NUP155: variants seen among roughly 807,000 people sequenced by gnomAD.
NUP155 encodes nuclear pore complex protein Nup155.
Under a neutral mutation model 180.4 loss-of-function variants are expected in NUP155, and 71 were observed. The ratio of observed to expected loss-of-function variants is 0.39; its 90% CI spans 0.33 to 0.48. NUP155 has a LOEUF of 0.48. NUP155 is among the 20% of genes least tolerant of loss of function. The probability of loss-of-function intolerance (pLI) is 0.91; values close to 1 mark genes in which losing one functional copy is unlikely to be tolerated. For missense variants in NUP155, 1,553 were observed against 1,648.9 expected, an observed-to-expected ratio of 0.94 and a Z score of 1.01; for synonymous variants, 582 against 559.5, an observed-to-expected ratio of 1.04 and a Z score of -0.57.
At chr5:37,361,907 G>A (rs61346086) in intron 3 of NUP155, among the ~76,000 whole-genome samples, 1 of 152,060 alleles carries the variant, frequency 6.6e-6, no homozygotes, top group African/African-American at 2.4e-5. Flanking sequence ...TAGGTCATGA[G>A]GGTATATCTC....
Position 37,351,071 on chromosome 5 carries a change from T to C in NUP155, c.723+119A>G, listed in dbSNP as rs964400421. On this transcript the variant is annotated intron_variant, in intron 6 of 34. Transcript: ENST00000231498. ...GGGGACTACAGCTTCAACTGTATGCTTGAATATTTACCATAAAAATATATT... is the reference window on the plus strand; with the variant it reads ...GGGGACTACAGCTTCAACTGTATGCCTGAATATTTACCATAAAAATATATT... 3.5e-6 allele frequency: 3 copies of C among 851,888 alleles called. No individual in the cohort carries two copies. In the Admixed American group the frequency reaches 7.4e-5, roughly 21 times the overall value. The allele number at this position is 851,888 out of a possible 1,614,324, so 52.8% of individuals were successfully genotyped here.
intron 12 of NUP155, among the ~76,000 whole-genome samples, chr5:37,333,880 T>C (rs1745142416): frequency 6.6e-6 from 1 of 151,940 alleles, no homozygotes; most frequent in Non-Finnish European, 1.5e-5. Flanking sequence ...TGGCTCACTG[T>C]AACCTTTGCC....
In NUP155 at chr5:37,312,111, G is replaced by A. The variant is rs56369431; in HGVS notation, c.2437-1368C>T. Among the ~76,000 whole-genome samples, 1,021 of 152,240 alleles carry A rather than the reference G, an allele frequency of 6.7e-3. 7 individuals are homozygous for A. The highest frequency in any genetic ancestry group is 9.3e-3 in the Non-Finnish European group (632 of 68,016). ...ATAAATTCCAGCAATGATTATCAATGGATGATTAAAATCTGATGGAGAATT... is the reference window on the plus strand; with the variant it reads ...ATAAATTCCAGCAATGATTATCAATAGATGATTAAAATCTGATGGAGAATT... On this transcript the variant is annotated intron_variant, in intron 22 of 34. Transcript: ENST00000231498.
intron 12 of NUP155, 71 bp from the exon 13 acceptor site, chr5:37,333,704 T>A: frequency 9.2e-7 from 1 of 1,091,542 alleles, no homozygotes. Context: ...AACTACAGAC[T>A]TAATAAAGAA....
At chr5:37,350,308 C>A (rs1451318371) in intron 6 of NUP155, 43 bp from the exon 7 acceptor site, 1 of 1,307,786 alleles carries the variant, frequency 7.6e-7, no homozygotes. Flanking sequence ...AAGTATGTAA[C>A]TCCCTTACAA....
chr5:37,351,219 C>A lies in NUP155; in HGVS notation c.694G>T (p.Asp232Tyr). ...DNGRIFLAGKDGCLYEVAYQA... is the reference protein window; with the variant it reads ...DNGRIFLAGKYGCLYEVAYQA... ...TAGGCTACTTCATATAAACAGCCATCCTTTCCAGCCAAGAAAATTCTGCCA... is the reference window on the plus strand; with the variant it reads ...TAGGCTACTTCATATAAACAGCCATACTTTCCAGCCAAGAAAATTCTGCCA... Residue 232 changes from aspartate (D) to tyrosine (Y), a missense_variant, in exon 6 of 35, where the codon GAT (aspartate) becomes TAT (tyrosine). Coordinates refer to ENST00000231498, the MANE Select transcript of NUP155 (RefSeq NM_153485.3). 6.2e-7 allele frequency: 1 copy of A among 1,613,806 alleles called. No individual in the cohort carries two copies. Among genetic ancestry groups the A allele is most frequent in the Non-Finnish European group, 8.5e-7 (1 of 1,179,900 alleles).
At position 37,328,379 on chromosome 5, in the gene NUP155, A is replaced by C; in HGVS notation, c.1855T>G (p.Phe619Val). 1 of 1,610,214 alleles carries C rather than the reference A, an allele frequency of 6.2e-7. No homozygotes were observed. Among genetic ancestry groups the C allele is most frequent in the Non-Finnish European group, 8.5e-7 (1 of 1,176,462 alleles). ...PSGSPYPNPS[F>V]LGTPSHGIQP... is the part of the protein sequence containing the mutation. ...GTACCATGAGACGGTGTTCCCAAAA[A>C]GGATGGATTTGGATAGGGACTACCA... Residue 619 changes from phenylalanine (F) to valine (V), a missense_variant, in exon 17 of 35, where the codon TTT becomes GTT. By Grantham distance (50) the Phe-to-Val change is conservative. Transcript: ENST00000231498.
At position 37,331,748 on chromosome 5, in the gene NUP155, A is replaced by T. The variant is rs780090360; in HGVS notation, c.1566T>A (p.His522Gln). The T allele has an allele frequency of 5.0e-6, 8 of 1,612,076 alleles. No individual in the cohort carries two copies. The South Asian group carries it at 7.7e-5, about 15-fold the overall frequency. ...CTCCTCCCACATTACTCACAAGTAG[A>T]TGCCTCAGTTGATCTACAGGTCTAA... ...HKLRPVDQLR[H>Q]LLVSNVGGDG... Residue 522 changes from histidine to glutamine, a missense_variant, in exon 14 of 35, where the codon CAT becomes CAA. His to Gln is a conservative substitution (Grantham distance 24). Coordinates refer to ENST00000231498, the MANE Select transcript of NUP155 (RefSeq NM_153485.3).
intron 21 of NUP155, among the ~76,000 whole-genome samples, chr5:37,317,688 C>CTTTTTTTT (rs374997987): frequency 7.6e-6 from 1 of 131,314 alleles, no homozygotes; most frequent in Non-Finnish European, 1.6e-5. Flanking sequence ...CCCAATCACA[C>CTTTTTTTT]TTTTTTTTTT....
At chr5:37,365,036 G>A (rs1747466344) in intron 1 of NUP155, among the ~76,000 whole-genome samples, 1 of 150,920 alleles carries the variant, frequency 6.6e-6, no homozygotes, top group South Asian at 2.1e-4. Context: ...GGCCGAGGTA[G>A]GAGGATCATG....
At chr5:37,321,189 T>C (rs1025526716) in intron 20 of NUP155, among the ~76,000 whole-genome samples, 4 of 151,742 alleles carry the variant, frequency 2.6e-5, no homozygotes, top group African/African-American at 2.4e-5. Context: ...CTGCTACAAA[T>C]AGAAAAATTA....
At chr5:37,370,050 T>G (rs1250100355) in intron 1 of NUP155, among the ~76,000 whole-genome samples, 3 of 152,226 alleles carry the variant, frequency 2.0e-5, no homozygotes, top group Non-Finnish European at 4.4e-5. Flanking sequence ...CCTCCAGCAT[T>G]TCATAACACA....
intron 16 of NUP155, among the ~76,000 whole-genome samples, chr5:37,328,853 C>G (rs1744777393): frequency 6.6e-6 from 1 of 152,160 alleles, no homozygotes; most frequent in African/African-American, 2.4e-5. Context: ...ACGATATATG[C>G]AAGAATTAGG....
chr5:37,365,186 G>A (rs1185814049), intron 1 of NUP155, among the ~76,000 whole-genome samples: 2 of 151,752 alleles, frequency 1.3e-5, no homozygotes, highest in Non-Finnish European at 2.9e-5. Flanking sequence ...TTGAACCCGG[G>A]AGGCGGAAGT....
chr5:37,351,979 T>C (rs551592959), intron 5 of NUP155, among the ~76,000 whole-genome samples: 81 of 152,006 alleles, frequency 5.3e-4, no homozygotes, highest in African/African-American at 1.9e-3. Flanking sequence ...TCCCAGCACT[T>C]TGGGAGGCCC....
intron 11 of NUP155, among the ~76,000 whole-genome samples, chr5:37,339,238 G>C (rs1407330406): frequency 6.6e-6 from 1 of 151,100 alleles, no homozygotes; most frequent in Non-Finnish European, 1.5e-5. Context: ...CTTGAGCCGG[G>C]GAGGTAGAGG....
chr5:37,314,040 A>G (rs1436792240), intron 22 of NUP155, among the ~76,000 whole-genome samples, 158 bp downstream of exon 22: 5 of 152,180 alleles, frequency 3.3e-5, no homozygotes, highest in Non-Finnish European at 7.3e-5. Context: ...TAGGTCCCCC[A>G]AGTTGGTACG....
chr5:37,318,120 A>G (rs764762008), intron 20 of NUP155, 35 bp from the exon 21 acceptor site: 4 of 1,124,258 alleles, frequency 3.6e-6, no homozygotes, highest in Admixed American at 3.4e-5. Flanking sequence ...TGTGTTTATA[A>G]CAGCTTTATT....
At chr5:37,306,595 G>A (rs953743148) in intron 25 of NUP155, among the ~76,000 whole-genome samples, 2 of 152,072 alleles carry the variant, frequency 1.3e-5, no homozygotes, top group Non-Finnish European at 2.9e-5. Flanking sequence ...AGCCTCCCAA[G>A]TTGCTGGGAT....
Sources: allele counts gnomAD v4.1 joint callset (sites outside exome capture counted in the v4.1 genomes callset), GRCh38; gene constraint gnomAD v4.1.1; transcripts MANE v1.5; gene names NCBI Gene and HGNC (gene_info 2026-07-23, HGNC 2026-07-21).